Variants in ARHGEF17 observed in about 807,000 individuals in gnomAD.
The protein encoded by ARHGEF17 is 164 kDa Rho-specific guanine-nucleotide exchange factor.
Under a neutral mutation model 174.0 loss-of-function variants are expected in ARHGEF17, and 80 were observed. That is an observed-to-expected ratio of 0.46 (90% confidence interval 0.38 to 0.55). The LOEUF (loss-of-function observed/expected upper bound fraction) is 0.55, where lower values mean the gene tolerates loss of function less well. Ranked by LOEUF, ARHGEF17 falls within the 20% of genes least tolerant of loss-of-function variation. The probability of loss-of-function intolerance (pLI) is 0.00; values close to 1 mark genes in which losing one functional copy is unlikely to be tolerated. For missense variants in ARHGEF17, 2,886 were observed against 2,839.7 expected (o/e 1.02, Z -0.37); for synonymous variants, 1,311 against 1,189.1 (o/e 1.10, Z -2.11).
intron 1 of ARHGEF17, among the ~76,000 whole-genome samples, chr11:73,324,815 A>C (rs117279955): frequency 6.6e-6 from 1 of 152,336 alleles, no homozygotes; most frequent in Non-Finnish European, 1.5e-5. Flanking sequence ...GAGTCCCAGG[A>C]ACCAGCACAT....
At position 73,368,019 on chromosome 11, in the gene ARHGEF17, CAT is replaced by C; in HGVS notation, c.*240_*241del. 2.1e-6 allele frequency: 1 copy of C among 483,758 alleles called. No individual in the cohort carries two copies. The highest frequency in any genetic ancestry group is 3.2e-5 in the South Asian group (1 of 30,802). 30.0% of individuals were successfully genotyped at this position (483,758 alleles called of 1,614,324 possible). On this transcript the variant is annotated 3_prime_UTR_variant, in exon 21 of 21. Transcript: ENST00000263674. Reference sequence around the variant, plus strand: ...CTTCCAGTCATGATCGGGTGGGGGACATGTGGGCTGACCAGGACCTCTGACCC... The same window carrying C: ...CTTCCAGTCATGATCGGGTGGGGGACGTGGGCTGACCAGGACCTCTGACCC...
intron 20 of ARHGEF17, among the ~76,000 whole-genome samples, chr11:73,366,576 A>G (rs1416176062): frequency 6.6e-6 from 1 of 151,976 alleles, no homozygotes; most frequent in African/African-American, 2.4e-5. Flanking sequence ...CAAAAAATAC[A>G]AAAATTAGCC....
At chr11:73,361,956 A>G (rs1313678115) in intron 12 of ARHGEF17, 84 bp from the exon 13 acceptor site, 2 of 1,519,018 alleles carry the variant, frequency 1.3e-6, no homozygotes, top group East Asian at 4.8e-5. Context: ...GCCTCCCTCC[A>G]TTCTGCCGGG....
chr11:73,314,827 C>T (rs959387829), intron 1 of ARHGEF17, among the ~76,000 whole-genome samples: 4 of 152,120 alleles, frequency 2.6e-5, no homozygotes, highest in African/African-American at 4.8e-5. Context: ...GAGCTTCCCC[C>T]GCCCCAGCCT....
At position 73,309,891 on chromosome 11, in the gene ARHGEF17, C is replaced by A. The variant is rs1459983916; in HGVS notation, c.1253C>A (p.Ser418Tyr). 1 of 1,613,034 alleles carries A rather than the reference C, an allele frequency of 6.2e-7. No individual in the cohort carries two copies. Among genetic ancestry groups the A allele is most frequent in the Non-Finnish European group, 8.5e-7 (1 of 1,179,748 alleles). Residue 418 changes from serine (S) to tyrosine (Y), a missense_variant, in exon 1 of 21, where the codon TCC becomes TAC. Transcript: ENST00000263674. The stretch of plus-strand genomic sequence containing the variant: ...TCTGGGGGCTGGGGCGTGTACCGCT[C>A]CCCTAGCTTTGGAGCTGGGGAAGGG... ...RGSGGWGVYR[S>Y]PSFGAGEGLL...
At position 73,309,893 on chromosome 11, in the gene ARHGEF17, C is replaced by A. The variant is rs148165385; in HGVS notation, c.1255C>A (p.Pro419Thr). The A allele has an allele frequency of 5.0e-5, 81 of 1,613,018 alleles. No homozygotes were observed. Among genetic ancestry groups the A allele is most frequent in the Non-Finnish European group, 6.8e-5 (80 of 1,179,754 alleles). The change falls in exon 1 of 21, where the codon CCT becomes ACT. Residue 419 changes from proline to threonine, a missense_variant. Transcript: ENST00000263674. ...TGGGGGCTGGGGCGTGTACCGCTCC[C>A]CTAGCTTTGGAGCTGGGGAAGGGCT... Reference protein sequence around the residue: ...GSGGWGVYRSPSFGAGEGLLR... With the variant: ...GSGGWGVYRSTSFGAGEGLLR...
intron 2 of ARHGEF17, among the ~76,000 whole-genome samples, chr11:73,349,892 GGGA>G (rs1462284235): frequency 6.6e-6 from 1 of 152,314 alleles, no homozygotes; most frequent in Non-Finnish European, 1.5e-5. Context: ...CCTGGAGTGT[GGGA>G]GGAGGACTGA....
intron 6 of ARHGEF17, 98 bp from the exon 7 acceptor site, chr11:73,356,611 C>G: frequency 6.7e-7 from 1 of 1,489,132 alleles, no homozygotes; most frequent in East Asian, 2.3e-5. Context: ...TTCCATTGGC[C>G]TAGCCCATGG....
chr11:73,309,079 C>T lies in ARHGEF17; in HGVS notation c.441C>T (p.Ser147=). Residue 147 remains serine, a synonymous_variant, in exon 1 of 21, where the codon TCC becomes TCT. Transcript: ENST00000263674. The part of the protein sequence containing the change: ...GSRRPSADSE[S]PGTPSPDGAA... Reference sequence around the variant, plus strand: ...GGAGGCCCAGCGCCGACTCTGAATCCCCAGGAACGCCCAGCCCCGACGGTG... The same window carrying T: ...GGAGGCCCAGCGCCGACTCTGAATCTCCAGGAACGCCCAGCCCCGACGGTG... 6.5e-7 allele frequency: 1 copy of T among 1,528,860 alleles called. No homozygotes were observed. The highest frequency in any genetic ancestry group is 8.8e-7 in the Non-Finnish European group (1 of 1,142,720). The allele number at this position is 1,528,860 out of a possible 1,614,324, so 94.7% of individuals were successfully genotyped here. A position where few individuals can be genotyped will look rare whatever the true frequency, so the allele number is the denominator to read the frequency against.
intron 2 of ARHGEF17, chr11:73,347,190 G>T: frequency 1.6e-6 from 1 of 634,358 alleles, no homozygotes; most frequent in Admixed American, 2.3e-5. Flanking sequence ...CAGGGCAGGC[G>T]TCCCTACCCT....
chr11:73,343,827 C>T (rs1433886368), intron 1 of ARHGEF17, among the ~76,000 whole-genome samples: 1 of 152,136 alleles, frequency 6.6e-6, no homozygotes, highest in Non-Finnish European at 1.5e-5. Flanking sequence ...TGCTCCCGGC[C>T]CCAGTGGGGG....
At chr11:73,337,140 TGTG>T (rs1395547065) in intron 1 of ARHGEF17, among the ~76,000 whole-genome samples, 1 of 152,218 alleles carries the variant, frequency 6.6e-6, no homozygotes, top group Admixed American at 6.5e-5. Flanking sequence ...AAGAAGAACA[TGTG>T]GGCCAGGCGC....
chr11:73,353,209 A>C, intron 3 of ARHGEF17, 197 bp downstream of exon 3: 2 of 677,296 alleles, frequency 3.0e-6, no homozygotes, highest in Non-Finnish European at 4.9e-6. Context: ...CCCTACCCCA[A>C]AGCTTGGCCA....
intron 11 of ARHGEF17, 23 bp downstream of exon 11, chr11:73,360,556 C>T (rs1226607344): frequency 2.5e-6 from 4 of 1,612,278 alleles, no homozygotes; most frequent in Non-Finnish European, 2.5e-6. Flanking sequence ...ACATGTTGGC[C>T]CTCTCCTCCT....
At position 73,362,421 on chromosome 11, in the gene ARHGEF17, G is replaced by A. The variant is rs1399165929; in HGVS notation, c.4695-12G>A. 7 of 1,537,246 alleles carry A rather than the reference G, an allele frequency of 4.6e-6. No homozygotes were observed. The highest frequency in any genetic ancestry group is 4.1e-5 in the African/African-American group (3 of 73,542). ...TCGTAGCTGCTGTCATCCTCACTCC[G>A]TCTTCTCGCAGGGAGCCTCCTCCGT... On this transcript the variant is annotated splice_polypyrimidine_tract_variant and intron_variant, in intron 13 of 20. Coordinates refer to ENST00000263674, the MANE Select transcript of ARHGEF17 (RefSeq NM_014786.4).
At position 73,367,898 on chromosome 11, in the gene ARHGEF17, C is replaced by G. The variant is rs942121378; in HGVS notation, c.*118C>G. On this transcript the variant is annotated 3_prime_UTR_variant, in exon 21 of 21. Coordinates refer to ENST00000263674, the MANE Select transcript of ARHGEF17 (RefSeq NM_014786.4). ...CCAGCCAGGGGCACACATGTGCCTG[C>G]GTGGGCTCTGCCTTGTCTTCGCGGA... 1.8e-6 allele frequency: 2 copies of G among 1,105,114 alleles called. No individual in the cohort carries two copies. The highest frequency in any genetic ancestry group is 3.1e-5 in the African/African-American group (2 of 63,988). 68.5% of individuals were successfully genotyped at this position (1,105,114 alleles called of 1,614,324 possible). A position where few individuals can be genotyped will look rare whatever the true frequency, so the allele number is the denominator to read the frequency against.
rs368152964 is a variant in ARHGEF17 at position 73,353,723 on chromosome 11, C to T, written c.3453+711C>T. ...CACCACAGGCCAGATCTCCACTGTACACTTGTCAAGCTCCCACAATAGCGA... is the reference window on the plus strand; with the variant it reads ...CACCACAGGCCAGATCTCCACTGTATACTTGTCAAGCTCCCACAATAGCGA... On this transcript the variant is annotated intron_variant, in intron 3 of 20. Transcript: ENST00000263674. Among the ~76,000 whole-genome samples, 16 of 152,338 alleles carry T rather than the reference C, an allele frequency of 1.1e-4. No individual in the cohort carries two copies. In the East Asian group the frequency reaches 2.9e-3, roughly 28 times the overall value.
rs1280478366 is a variant in ARHGEF17 at position 73,309,064 on chromosome 11, C to T, written c.426C>T (p.Ser142=). The change falls in exon 1 of 21, where the codon AGC becomes AGT. Residue 142 remains serine (S), a synonymous_variant. Coordinates refer to ENST00000263674, the MANE Select transcript of ARHGEF17 (RefSeq NM_014786.4). ...LFGGPGSRRP[S]ADSESPGTPS... is the part of the protein sequence containing the mutation. ...GCGGTCCTGGCTCCAGGAGGCCCAGCGCCGACTCTGAATCCCCAGGAACGC... is the reference window on the plus strand; with the variant it reads ...GCGGTCCTGGCTCCAGGAGGCCCAGTGCCGACTCTGAATCCCCAGGAACGC... 2.0e-6 allele frequency: 3 copies of T among 1,508,990 alleles called. No individual in the cohort carries two copies. The highest frequency in any genetic ancestry group is 2.7e-5 in the East Asian group (1 of 36,384). 93.5% of individuals were successfully genotyped at this position (1,508,990 alleles called of 1,614,324 possible).
At chr11:73,347,351 C>T (rs1054974117) in intron 2 of ARHGEF17, among the ~76,000 whole-genome samples, 1 of 152,142 alleles carries the variant, frequency 6.6e-6, no homozygotes, top group Admixed American at 6.5e-5. Flanking sequence ...GGCCCTGTTC[C>T]AGGTGCAGGA....
Sources: allele counts gnomAD v4.1 joint callset (sites outside exome capture counted in the v4.1 genomes callset), GRCh38; gene constraint gnomAD v4.1.1; transcripts MANE v1.5; gene names NCBI Gene and HGNC (gene_info 2026-07-23, HGNC 2026-07-21).